The following FMR1NB variants were observed in gnomAD, a reference collection of about 807,000 sequenced individuals.
The protein encoded by FMR1NB is FMR1 neighbor protein.
A neutral mutation model predicts 16.8 loss-of-function variants in FMR1NB; 10 were observed. The ratio of observed to expected loss-of-function variants is 0.60; its 90% CI spans 0.37 to 1.01. The LOEUF (loss-of-function observed/expected upper bound fraction) is 1.01, where lower values mean the gene tolerates loss of function less well. Among genes scored for constraint, FMR1NB ranks in the 50% least tolerant of loss-of-function variants. The probability of loss-of-function intolerance (pLI) is 0.01; values close to 1 mark genes in which losing one functional copy is unlikely to be tolerated. For synonymous variants in FMR1NB, 83 were observed against 79.1 expected (o/e 1.05, Z -0.26); for missense variants, 205 against 204.8 (o/e 1.00, Z 0.00).
intron 4 of FMR1NB, among the ~76,000 whole-genome samples, chrX:148,013,034 A>G (rs1557189774): frequency 8.9e-6 from 1 of 111,876 alleles, no homozygotes; most frequent in Admixed American, 9.5e-5. Context: ...TTGATAAAAT[A>G]TGTCAGATGA....
intron 1 of FMR1NB, among the ~76,000 whole-genome samples, chrX:147,983,297 G>T (rs189478540): frequency 1.2e-3 from 133 of 111,980 alleles, no homozygotes; most frequent in Non-Finnish European, 2.0e-3. Flanking sequence ...GAACTCCATT[G>T]ATCTTTTTGA....
chrX:147,993,117 C>T (rs1557187889), intron 1 of FMR1NB, among the ~76,000 whole-genome samples: 1 of 110,629 alleles, frequency 9.0e-6, no homozygotes, highest in African/African-American at 3.3e-5. Context: ...TGCACTCCAG[C>T]CTGGGCACCA....
Position 148,006,949 on chromosome X carries a change from T to G in FMR1NB, c.538+107T>G, listed in dbSNP as rs1557189182. ...TCCTAGCTTAATACTTAAATGGGACTCCCAGTCCTAGAGCGGTGCTCCTTA... is the reference window on the plus strand; with the variant it reads ...TCCTAGCTTAATACTTAAATGGGACGCCCAGTCCTAGAGCGGTGCTCCTTA... On this transcript the variant is annotated intron_variant, in intron 3 of 5. Transcript: ENST00000370467. 33 of 880,698 alleles carry G rather than the reference T, an allele frequency of 3.7e-5. No homozygotes were observed. In the East Asian group the frequency reaches 1.1e-3, roughly 29 times the overall value. 72.6% of individuals were successfully genotyped at this position (880,698 alleles called of 1,213,427 possible). A position where few individuals can be genotyped will look rare whatever the true frequency, so the allele number is the denominator to read the frequency against.
intron 1 of FMR1NB, among the ~76,000 whole-genome samples, chrX:147,987,299 T>A (rs2124611014): frequency 8.9e-6 from 1 of 111,927 alleles, no homozygotes; most frequent in African/African-American, 3.2e-5. Context: ...TCTCTTCCTA[T>A]TTGAATACAC....
chrX:148,021,958 C>T (rs1557190624), intron 4 of FMR1NB, among the ~76,000 whole-genome samples: 1 of 107,180 alleles, frequency 9.3e-6, no homozygotes, highest in African/African-American at 3.4e-5. Context: ...ATTCTTGTTT[C>T]CAGTCCCCTT....
intron 1 of FMR1NB, among the ~76,000 whole-genome samples, chrX:147,993,259 A>G (rs1557187917): frequency 8.9e-6 from 1 of 112,424 alleles, no homozygotes; most frequent in Non-Finnish European, 1.9e-5. Flanking sequence ...CACCAAAACC[A>G]GTCAGGCGTG....
chrX:148,004,576 T>C (rs1557188903), intron 2 of FMR1NB, among the ~76,000 whole-genome samples: 1 of 112,438 alleles, frequency 8.9e-6, no homozygotes, highest in East Asian at 2.8e-4. Flanking sequence ...AGACAATAAC[T>C]ACAGCTTCAT....
At chrX:147,981,958 C>T (rs1279314175) in intron 1 of FMR1NB, among the ~76,000 whole-genome samples, 2 of 111,619 alleles carry the variant, frequency 1.8e-5, no homozygotes, top group Admixed American at 9.5e-5. Flanking sequence ...TCCTCACTTC[C>T]CGCCACAAAA....
At chrX:148,007,151 G>C (rs1320682781) in intron 3 of FMR1NB, among the ~76,000 whole-genome samples, 5 of 112,396 alleles carry the variant, frequency 4.4e-5, no homozygotes, top group Non-Finnish European at 9.4e-5. Flanking sequence ...GAAGATACCG[G>C]TTGGGCATGC....
chrX:148,019,868 G>A (rs1557190474), intron 4 of FMR1NB, among the ~76,000 whole-genome samples: 1 of 111,655 alleles, frequency 9.0e-6, no homozygotes, highest in African/African-American at 3.3e-5. Context: ...AGCCAGCACA[G>A]CACTAGGGCT....
At position 147,993,145 on chromosome X, in the gene FMR1NB, G is replaced by A. The variant is rs782775624; in HGVS notation, c.278-10056G>A. On this transcript the variant is annotated intron_variant, in intron 1 of 5. Transcript: ENST00000370467. ...GGGCACCATTGAGCACTGAGTGAACGAGACTCCGTCTGCAATTCCGGCACC... is the reference window on the plus strand; with the variant it reads ...GGGCACCATTGAGCACTGAGTGAACAAGACTCCGTCTGCAATTCCGGCACC... Among the ~76,000 whole-genome samples, 3 of 112,175 alleles carry A rather than the reference G, an allele frequency of 2.7e-5. No individual in the cohort carries two copies. The South Asian group carries it at 1.1e-3, about 41-fold the overall frequency.
chrX:147,984,804 A>C (rs564378771), intron 1 of FMR1NB, among the ~76,000 whole-genome samples: 1 of 112,420 alleles, frequency 8.9e-6, no homozygotes, highest in East Asian at 2.8e-4. Flanking sequence ...TTGGTTTTTC[A>C]ACATTGATTA....
chrX:147,983,924 G>A (rs1480705299), intron 1 of FMR1NB, among the ~76,000 whole-genome samples: 1 of 110,932 alleles, frequency 9.0e-6, no homozygotes, highest in Non-Finnish European at 1.9e-5. Flanking sequence ...TATGTTAAGG[G>A]TCCAACTTCA....
intron 4 of FMR1NB, among the ~76,000 whole-genome samples, chrX:148,023,425 C>T (rs1473088573): frequency 9.0e-6 from 1 of 111,480 alleles, no homozygotes; most frequent in Non-Finnish European, 1.9e-5. Flanking sequence ...CCCAGTAATA[C>T]AGTTTTAGGG....
Position 148,026,064 on chromosome X carries a change from T to C in FMR1NB, c.*14-438T>C, listed in dbSNP as rs12012418. On this transcript the variant is annotated intron_variant, in intron 5 of 5. Coordinates refer to ENST00000370467, the MANE Select transcript of FMR1NB (RefSeq NM_152578.3). Reference sequence around the variant, plus strand: ...GTATCATATATATATATGGGATACATATTTACTTAAGGTAACACATAAATA... The same window carrying C: ...GTATCATATATATATATGGGATACACATTTACTTAAGGTAACACATAAATA... The C allele has an allele frequency of 4.4e-3, 488 of 111,549 alleles. 7 individuals are homozygous for C. The highest frequency in any genetic ancestry group is 0.015 in the African/African-American group (459 of 30,823). The allele number at this position is 111,549 out of a possible 1,213,427, so 9.2% of individuals were successfully genotyped here. A position where few individuals can be genotyped will look rare whatever the true frequency, so the allele number is the denominator to read the frequency against.
chrX:148,002,256 T>G lies in FMR1NB; in HGVS notation c.278-945T>G, dbSNP rs1188331712. Among the ~76,000 whole-genome samples the G allele has an allele frequency of 6.3e-5, 7 of 111,784 alleles. No homozygotes were observed. In the Admixed American group the frequency reaches 6.7e-4, roughly 11 times the overall value. ...CACAATATGAAATATGTAAGCTCAC[T>G]GATTATGAAAGTTGCAAATTAAAAC... On this transcript the variant is annotated intron_variant, in intron 1 of 5. Coordinates refer to ENST00000370467, the MANE Select transcript of FMR1NB (RefSeq NM_152578.3).
intron 1 of FMR1NB, 81 bp downstream of exon 1, chrX:147,981,760 A>G: frequency 1.0e-6 from 1 of 995,036 alleles, no homozygotes; most frequent in Non-Finnish European, 1.3e-6. Context: ...GTGGCAACAC[A>G]CCGGCACCAA....
At chrX:147,993,298 C>G (rs918221592) in intron 1 of FMR1NB, among the ~76,000 whole-genome samples, 16 of 111,482 alleles carry the variant, frequency 1.4e-4, no homozygotes, top group Admixed American at 3.7e-4. Flanking sequence ...CGCAGGCATT[C>G]GGCAGACTGA....
At chrX:148,003,781 TCTCA>T (rs1269143245) in intron 2 of FMR1NB, among the ~76,000 whole-genome samples, 1 of 111,349 alleles carries the variant, frequency 9.0e-6, no homozygotes, top group Non-Finnish European at 1.9e-5. Flanking sequence ...AGGTTTCAAG[TCTCA>T]CTGTCTTTTT....
Sources: allele counts gnomAD v4.1 joint callset (sites outside exome capture counted in the v4.1 genomes callset), GRCh38; gene constraint gnomAD v4.1.1; transcripts MANE v1.5; gene names NCBI Gene and HGNC (gene_info 2026-07-23, HGNC 2026-07-21).